The following BCKDHB variants were observed in gnomAD, a reference collection of about 807,000 sequenced individuals.
BCKDHB encodes the protein 2-oxoisovalerate dehydrogenase subunit beta, mitochondrial.
BCKDHB carries 41 observed loss-of-function variants against 48.5 expected under a neutral mutation model. The observed-to-expected ratio is 0.85, with a 90% CI of 0.66 to 1.10. The LOEUF is 1.10. Among genes scored for constraint, BCKDHB ranks in the 50% least tolerant of loss-of-function variants. The pLI is 0.00. For synonymous variants in BCKDHB, 201 were observed against 174.8 expected, an observed-to-expected ratio of 1.15 and a Z score of -1.18; for missense variants, 496 against 494.2, an observed-to-expected ratio of 1.00 and a Z score of -0.03.
Position 80,205,791 on chromosome 6 carries a change from GGTGTGT to G in BCKDHB, c.951+2618_951+2623del, listed in dbSNP as rs3840387. Among the ~76,000 whole-genome samples the G allele has an allele frequency of 3.0e-3, 401 of 135,160 alleles. 1 individual carries two copies. Among genetic ancestry groups the G allele is most frequent in the South Asian group, 6.0e-3 (24 of 3,972 alleles). The allele number at this position is 135,160 out of a possible 152,430, so 88.7% of individuals were successfully genotyped here. A position where few individuals can be genotyped will look rare whatever the true frequency, so the allele number is the denominator to read the frequency against. ...AGACAGAGACCTACCCTGTGCCATG[GGTGTGT>G]GTGTGTGTGTGTGTGTGTGTGTGTG... On this transcript the variant is annotated intron_variant, in intron 8 of 9. Transcript: ENST00000320393.
intron 9 of BCKDHB, among the ~76,000 whole-genome samples, chr6:80,293,262 G>A (rs1767033429): frequency 6.6e-6 from 1 of 152,210 alleles, no homozygotes; most frequent in Non-Finnish European, 1.5e-5. Flanking sequence ...ACCTCTGCCT[G>A]GACATCCAGA....
Position 80,234,168 on chromosome 6 carries a change from G to A in BCKDHB, c.951+30956G>A, listed in dbSNP as rs1223644731. Among the ~76,000 whole-genome samples the A allele has an allele frequency of 3.3e-5, 5 of 152,334 alleles. No homozygotes were observed. The South Asian group carries it at 1.0e-3, about 32-fold the overall frequency. On this transcript the variant is annotated intron_variant, in intron 8 of 9. Transcript: ENST00000320393. ...CCTGCTGCTCACCTCCTGCTGAGTG[G>A]CCAGGTTCCTAACAGGGCAGGGACC...
chr6:80,441,498 A>G, the BCKDHB span, among the ~76,000 whole-genome samples: 1 of 152,196 alleles, frequency 6.6e-6, no homozygotes, highest in African/African-American at 2.4e-5. Context: ...GGTCAATTTA[A>G]TAAAAATAAT....
chr6:80,192,073 T>C (rs1773924563), intron 6 of BCKDHB, among the ~76,000 whole-genome samples: 1 of 152,234 alleles, frequency 6.6e-6, no homozygotes, highest in Non-Finnish European at 1.5e-5. Flanking sequence ...TTTGCTTATG[T>C]TTTGTTTTTA....
the BCKDHB span, among the ~76,000 whole-genome samples, chr6:80,365,411 G>A: frequency 6.6e-6 from 1 of 151,788 alleles, no homozygotes; most frequent in Non-Finnish European, 1.5e-5. Flanking sequence ...ATTCCCAGAG[G>A]GTCTCCCCCC....
intron 8 of BCKDHB, among the ~76,000 whole-genome samples, chr6:80,260,226 T>TG (rs992454259): frequency 1.8e-4 from 28 of 151,644 alleles, no homozygotes; most frequent in Non-Finnish European, 3.4e-4. Flanking sequence ...TGTGTGTGTG[T>TG]GTGGGGTAAT....
intron 3 of BCKDHB, among the ~76,000 whole-genome samples, chr6:80,161,962 T>C (rs1327702923): frequency 6.6e-6 from 1 of 152,190 alleles, no homozygotes; most frequent in African/African-American, 2.4e-5. Context: ...TTTCTTTCTT[T>C]TACATCCAGT....
In BCKDHB at chr6:80,142,896, C is replaced by T. The variant is rs549963284; in HGVS notation, c.343+13667C>T. Among the ~76,000 whole-genome samples the T allele has an allele frequency of 3.3e-5, 5 of 152,160 alleles. No individual in the cohort carries two copies. In the East Asian group the frequency reaches 5.8e-4, roughly 18 times the overall value. ...AATTTTTTTCTCTTTCAAACAGTGC[C>T]GCATATTCCTTGATTTCAATTTCTC... On this transcript the variant is annotated intron_variant, in intron 3 of 9. Coordinates refer to ENST00000320393, the MANE Select transcript of BCKDHB (RefSeq NM_183050.4).
downstream of BCKDHB, among the ~76,000 whole-genome samples, chr6:80,348,346 C>T (rs1334916220): frequency 6.6e-6 from 1 of 151,982 alleles, no homozygotes; most frequent in Non-Finnish European, 1.5e-5. Context: ...TCATGTAATC[C>T]CTTTCTCATC....
the BCKDHB span, among the ~76,000 whole-genome samples, chr6:80,404,062 G>T: frequency 6.6e-6 from 1 of 151,840 alleles, no homozygotes; most frequent in East Asian, 1.9e-4. Context: ...TGCTTATCTG[G>T]GTTTGGTATC....
intron 6 of BCKDHB, among the ~76,000 whole-genome samples, chr6:80,179,913 G>A (rs1172247813): frequency 6.6e-6 from 1 of 152,122 alleles, no homozygotes; most frequent in Non-Finnish European, 1.5e-5. Flanking sequence ...AAGAAGAGAT[G>A]AGGTCGTTTG....
At chr6:80,233,786 A>G (rs916681880) in intron 8 of BCKDHB, among the ~76,000 whole-genome samples, 1 of 152,200 alleles carries the variant, frequency 6.6e-6, no homozygotes, top group African/African-American at 2.4e-5. Context: ...GACTTCTAAA[A>G]GGAGCTATGA....
intron 8 of BCKDHB, among the ~76,000 whole-genome samples, chr6:80,268,246 A>G (rs1027441453): frequency 3.3e-5 from 5 of 152,114 alleles, no homozygotes; most frequent in African/African-American, 1.2e-4. Flanking sequence ...TATCTAATTC[A>G]GTTGCGTTGA....
chr6:80,113,192 G>A (rs138841811), intron 1 of BCKDHB, among the ~76,000 whole-genome samples: 45 of 152,330 alleles, frequency 3.0e-4, no homozygotes, highest in African/African-American at 8.9e-4. Context: ...GAGCTGCCAT[G>A]GCCAACTGCA....
At chr6:80,231,384 T>C (rs957620749) in intron 8 of BCKDHB, among the ~76,000 whole-genome samples, 1 of 152,182 alleles carries the variant, frequency 6.6e-6, no homozygotes, top group Non-Finnish European at 1.5e-5. Flanking sequence ...ATTATAAACA[T>C]TTATAAACAA....
chr6:80,206,185 A>T (rs1774649440), intron 8 of BCKDHB, among the ~76,000 whole-genome samples: 1 of 152,112 alleles, frequency 6.6e-6, no homozygotes, highest in Admixed American at 6.6e-5. Flanking sequence ...GTTAGGTCTT[A>T]CAATTAGAGG....
At chr6:80,289,505 C>T (rs757043292) in intron 9 of BCKDHB, among the ~76,000 whole-genome samples, 4 of 151,842 alleles carry the variant, frequency 2.6e-5, no homozygotes, top group East Asian at 3.9e-4. Context: ...GGCAGATCTT[C>T]GGAGAGAAAA....
downstream of BCKDHB, among the ~76,000 whole-genome samples, chr6:80,348,009 A>C (rs1770284442): frequency 6.6e-6 from 1 of 152,068 alleles, no homozygotes. Context: ...AAACTAATTT[A>C]ATTTCTGTGG....
chr6:80,400,561 C>G, the BCKDHB span, among the ~76,000 whole-genome samples: 8 of 151,816 alleles, frequency 5.3e-5, no homozygotes, highest in Non-Finnish European at 7.4e-5. Context: ...AGTAAAAAGT[C>G]AAAAAATAAT....
Sources: gnomAD v4.1 joint callset for allele counts (sites outside exome capture counted in the v4.1 genomes callset) on GRCh38, gnomAD v4.1.1 for gene constraint, MANE v1.5 for transcripts, NCBI Gene and HGNC (gene_info 2026-07-23, HGNC 2026-07-21) for gene names.